Variants in DNAH14 observed in about 807,000 individuals in gnomAD.
DNAH14 encodes axonemal beta dynein heavy chain 14.
DNAH14 carries 478 observed loss-of-function variants against 520.9 expected under a neutral mutation model. The ratio of observed to expected loss-of-function variants is 0.92; its 90% CI spans 0.85 to 0.99. The LOEUF is 0.99. Among genes scored for constraint, DNAH14 ranks in the 50% least tolerant of loss-of-function variants. The pLI, the probability that DNAH14 is intolerant of heterozygous loss-of-function variation, is 0.00. For missense variants in DNAH14, 4,831 were observed against 5,234.5 expected, an observed-to-expected ratio of 0.92 and a Z score of 2.38; for synonymous variants, 1,581 against 1,757.2, an observed-to-expected ratio of 0.90 and a Z score of 2.51.
intron 35 of DNAH14, among the ~76,000 whole-genome samples, chr1:225,163,211 T>G (rs1321940588): frequency 6.6e-6 from 1 of 151,842 alleles, no homozygotes; most frequent in African/African-American, 2.4e-5. Flanking sequence ...TGCTTTTGTA[T>G]CCTGCAACCT....
intron 12 of DNAH14, 99 bp from the exon 13 acceptor site, chr1:225,042,736 G>GT (rs2067595129): frequency 7.7e-7 from 1 of 1,305,088 alleles, no homozygotes; most frequent in Non-Finnish European, 1.0e-6. Context: ...TTATACTGGA[G>GT]TTATGATTTC....
At chr1:225,301,245 T>C (rs1006106681) in intron 56 of DNAH14, among the ~76,000 whole-genome samples, 2 of 152,070 alleles carry the variant, frequency 1.3e-5, no homozygotes, top group Admixed American at 1.3e-4. Flanking sequence ...ATCAATGGTT[T>C]TAAAAAATAA....
At chr1:225,132,204 C>T (rs1349214615) in intron 27 of DNAH14, among the ~76,000 whole-genome samples, 6 of 147,534 alleles carry the variant, frequency 4.1e-5, no homozygotes, top group Non-Finnish European at 7.5e-5. Flanking sequence ...TTTTTTTTTT[C>T]ATCAACTTTT....
At chr1:225,198,367 C>T (rs2086418125) in intron 38 of DNAH14, among the ~76,000 whole-genome samples, 1 of 151,940 alleles carries the variant, frequency 6.6e-6, no homozygotes, top group Non-Finnish European at 1.5e-5. Flanking sequence ...AAGGCACCCA[C>T]CAACATGCCT....
chr1:225,303,434 A>C, intron 57 of DNAH14, 87 bp downstream of exon 57: 1 of 1,161,222 alleles, frequency 8.6e-7, no homozygotes, highest in South Asian at 1.7e-5. Flanking sequence ...CCCTAGATGG[A>C]CAAAAATAGG....
chr1:225,393,630 G>A (rs576731071), intron 84 of DNAH14, among the ~76,000 whole-genome samples: 1,898 of 152,208 alleles, frequency 0.012, 41 homozygotes, highest in African/African-American at 0.042. Flanking sequence ...TACACTGAGG[G>A]TCATACATGG....
At chr1:225,349,324 G>A (rs2095331387) in intron 71 of DNAH14, among the ~76,000 whole-genome samples, 1 of 152,040 alleles carries the variant, frequency 6.6e-6, no homozygotes, top group Non-Finnish European at 1.5e-5. Flanking sequence ...AAAACAAACT[G>A]AGAAGGGAAT....
At chr1:224,930,084 T>G (rs1217130258) in intron 1 of DNAH14, among the ~76,000 whole-genome samples, 1 of 152,216 alleles carries the variant, frequency 6.6e-6, no homozygotes, top group Non-Finnish European at 1.5e-5. Context: ...AACGCGAGGT[T>G]CTTCTTAGTT....
chr1:225,149,783 C>T (rs185719642), intron 31 of DNAH14, among the ~76,000 whole-genome samples: 26 of 151,940 alleles, frequency 1.7e-4, no homozygotes, highest in African/African-American at 6.0e-4. Context: ...TGAGACTTCA[C>T]TGAAAGAAGC....
chr1:224,973,640 A>G (rs545909138), intron 7 of DNAH14, among the ~76,000 whole-genome samples: 42 of 152,316 alleles, frequency 2.8e-4, no homozygotes, highest in Admixed American at 7.8e-4. Flanking sequence ...CATTTTTTAC[A>G]TAAGTATTAT....
chr1:225,374,232 TAA>T (rs2095662967), intron 77 of DNAH14, among the ~76,000 whole-genome samples: 1 of 87,710 alleles, frequency 1.1e-5, no homozygotes, highest in Admixed American at 1.4e-4. Context: ...GAAATATATA[TAA>T]TATATATATT....
intron 1 of DNAH14, among the ~76,000 whole-genome samples, chr1:224,933,609 C>A (rs2058835870): frequency 1.3e-5 from 2 of 152,012 alleles, no homozygotes; most frequent in African/African-American, 4.8e-5. Context: ...TCCTTTTATG[C>A]CTGGTTTGTT....
chr1:225,240,061 T>G (rs986077693), intron 42 of DNAH14, among the ~76,000 whole-genome samples: 1 of 152,170 alleles, frequency 6.6e-6, no homozygotes, highest in African/African-American at 2.4e-5. Context: ...TTAGCCAGGT[T>G]AAACTAAATC....
intron 71 of DNAH14, among the ~76,000 whole-genome samples, chr1:225,346,978 C>G (rs957344426): frequency 6.6e-6 from 1 of 152,056 alleles, no homozygotes; most frequent in Admixed American, 6.6e-5. Flanking sequence ...CACTTTCTTA[C>G]GAAAACCTGG....
chr1:225,253,663 T>A (rs2092637027), intron 44 of DNAH14, among the ~76,000 whole-genome samples: 1 of 152,126 alleles, frequency 6.6e-6, no homozygotes, highest in African/African-American at 2.4e-5. Flanking sequence ...CCAACATTCA[T>A]TAATTTCTTT....
chr1:225,353,807 A>ATGAAAATAT lies in DNAH14; in HGVS notation c.11538_11539insTGAAAATAT (p.Glu3846_Leu3847insTer). On this transcript the variant is annotated stop_gained and inframe_insertion, in exon 73 of 86. Transcript: ENST00000682510. LOFTEE classifies it high-confidence loss of function. The stretch of plus-strand genomic sequence containing the variant: ...CTTTCTCTAAATTATATCTAGCTGA[A>ATGAAAATAT]CTTTTGAATGAAAATAAAGAAACGT... 6.8e-7 allele frequency: 1 copy of ATGAAAATAT among 1,479,890 alleles called. No homozygotes were observed. Among genetic ancestry groups the ATGAAAATAT allele is most frequent in the Non-Finnish European group, 9.2e-7 (1 of 1,090,780 alleles). The allele number at this position is 1,479,890 out of a possible 1,614,324, so 91.7% of individuals were successfully genotyped here.
At chr1:225,291,707 T>C (rs1435927571) in intron 55 of DNAH14, among the ~76,000 whole-genome samples, 1 of 152,050 alleles carries the variant, frequency 6.6e-6, no homozygotes, top group East Asian at 1.9e-4. Flanking sequence ...TGTACAAGAG[T>C]TCCCTTTCTC....
intron 17 of DNAH14, among the ~76,000 whole-genome samples, chr1:225,077,931 GAC>G (rs1385251788): frequency 6.6e-6 from 1 of 152,042 alleles, no homozygotes; most frequent in Non-Finnish European, 1.5e-5. Flanking sequence ...TATCAAATTA[GAC>G]ACACACATAT....
rs183721332 is a variant in DNAH14 at position 225,289,096 on chromosome 1, A to G, written c.8272-789A>G. ...TGGATAAACAAAATGTGATATGTCC[A>G]TACAATAGAATACCATTCAGCAATA... On this transcript the variant is annotated intron_variant, in intron 54 of 85. Transcript: ENST00000682510. 1.1e-3 allele frequency among the ~76,000 whole-genome samples: 162 copies of G among 152,284 alleles called. 3 individuals are homozygous for G. Among genetic ancestry groups the G allele is most frequent in the Admixed American group, 9.3e-3 (142 of 15,270 alleles).
Sources: allele counts gnomAD v4.1 joint callset (sites outside exome capture counted in the v4.1 genomes callset), GRCh38; gene constraint gnomAD v4.1.1; transcripts MANE v1.5; gene names NCBI Gene and HGNC (gene_info 2026-07-23, HGNC 2026-07-21).